Variants in ABCC1 observed in about 807,000 individuals in gnomAD.
ABCC1 encodes the protein multidrug resistance-associated protein 1.
A neutral mutation model predicts 172.9 loss-of-function variants in ABCC1; 83 were observed. That is an observed-to-expected ratio of 0.48 (90% CI 0.40 to 0.58). The LOEUF is 0.58. ABCC1 is among the 20% of genes least tolerant of loss of function. ABCC1 has a pLI of 0.00. For synonymous variants in ABCC1, 937 were observed against 825.2 expected, an observed-to-expected ratio of 1.14 and a Z score of -2.32; for missense variants, 1,817 against 2,002.7, an observed-to-expected ratio of 0.91 and a Z score of 1.77.
At chr16:16,006,842 C>CGTGGTGGTG (rs71388786) in intron 1 of ABCC1, among the ~76,000 whole-genome samples, 66 of 82,870 alleles carry the variant, frequency 8.0e-4, no homozygotes, top group African/African-American at 2.0e-3. Flanking sequence ...GGTTGTTATC[C>CGTGGTGGTG]GTGGTGGTGG....
At chr16:15,966,773 C>A (rs2046253086) in intron 1 of ABCC1, among the ~76,000 whole-genome samples, 1 of 151,436 alleles carries the variant, frequency 6.6e-6, no homozygotes, top group Admixed American at 6.6e-5. Flanking sequence ...GCCTTACCCT[C>A]CCGAGTGTCT....
At chr16:16,008,649 A>G (rs1597108924) in intron 2 of ABCC1, among the ~76,000 whole-genome samples, 1 of 151,948 alleles carries the variant, frequency 6.6e-6, no homozygotes, top group South Asian at 2.1e-4. Flanking sequence ...GTTTGAGACC[A>G]GCCTGACCAA....
chr16:16,106,835 T>C lies in ABCC1; in HGVS notation c.2833T>C (p.Trp945Arg), dbSNP rs766865175. 2.5e-6 allele frequency: 4 copies of C among 1,614,110 alleles called. No homozygotes were observed. Among genetic ancestry groups the C allele is most frequent in the Non-Finnish European group, 2.5e-6 (3 of 1,180,026 alleles). Reference sequence around the variant, plus strand: ...AGCTGAGGCCAAGAAGGAGGAGACCTGGAAGCTGATGGAGGCTGACAAGGC... The same window carrying C: ...AGCTGAGGCCAAGAAGGAGGAGACCCGGAAGCTGATGGAGGCTGACAAGGC... ...QKAEAKKEET[W>R]KLMEADKAQT... Residue 945 changes from tryptophan to arginine, a missense_variant, in exon 21 of 31, where the codon TGG (tryptophan) becomes CGG (arginine). By Grantham distance (101) the Trp-to-Arg change is moderately radical (BLOSUM62 -3). This residue lies in a region of ABCC1 where 1,412 missense variants were observed against 1,600.3 expected (regional missense o/e 0.88). Transcript: ENST00000399410.
chr16:16,087,706 G>A (rs906366142), intron 18 of ABCC1, among the ~76,000 whole-genome samples: 4 of 152,124 alleles, frequency 2.6e-5, no homozygotes, highest in Non-Finnish European at 5.9e-5. Context: ...TGATCTGCCC[G>A]CCTGGGTCTC....
chr16:16,115,941 C>T (rs1033682520), intron 23 of ABCC1, among the ~76,000 whole-genome samples: 26 of 151,426 alleles, frequency 1.7e-4, no homozygotes, highest in East Asian at 3.9e-4. Flanking sequence ...CTCGCTCTGT[C>T]GCCCAGGCTG....
intron 13 of ABCC1, among the ~76,000 whole-genome samples, chr16:16,070,949 T>C (rs2050322944): frequency 6.6e-6 from 1 of 152,214 alleles, no homozygotes; most frequent in Non-Finnish European, 1.5e-5. Flanking sequence ...ACTCAGCCCA[T>C]ATCCAAGTTT....
At chr16:16,133,206 C>A (rs2045771551) in intron 27 of ABCC1, among the ~76,000 whole-genome samples, 1 of 152,130 alleles carries the variant, frequency 6.6e-6, no homozygotes, top group Admixed American at 6.5e-5. Flanking sequence ...GTCTGACAGT[C>A]TTCCTGGCCA....
rs371674947 is a variant in ABCC1, at chr16:16,134,305, C to T, written c.3967-45C>T. 3.7e-5 allele frequency: 59 copies of T among 1,609,348 alleles called. 3 individuals carry two copies. Among genetic ancestry groups the T allele is most frequent in the Admixed American group, 1.2e-4 (7 of 59,942 alleles). Reference sequence around the variant, plus strand: ...GGGCACTTTGGGGCAGGGACAAGTCCGGATGCCAGCATTCCCACCACACCT... The same window carrying T: ...GGGCACTTTGGGGCAGGGACAAGTCTGGATGCCAGCATTCCCACCACACCT... On this transcript the variant is annotated intron_variant, in intron 27 of 30. Transcript: ENST00000399410.
intron 19 of ABCC1, among the ~76,000 whole-genome samples, chr16:16,102,213 T>TC (rs1267146131): frequency 8.3e-6 from 1 of 120,710 alleles, no homozygotes; most frequent in East Asian, 3.2e-4. Context: ...GAATATCACT[T>TC]CTTCTTTCAA....
intron 1 of ABCC1, among the ~76,000 whole-genome samples, chr16:15,993,987 C>G (rs1208349700): frequency 1.3e-5 from 2 of 152,116 alleles, no homozygotes; most frequent in South Asian, 4.1e-4. Flanking sequence ...TCCCGGCACT[C>G]TGGGAGGCCG....
In ABCC1 at chr16:16,052,810, G is replaced by A. The variant is rs566325824; in HGVS notation, c.1467G>A (p.Thr489=). Residue 489 remains threonine (T), a synonymous_variant, in exon 11 of 31, where the codon ACG becomes ACA. Coordinates refer to ENST00000399410, the MANE Select transcript of ABCC1 (RefSeq NM_004996.4). ...VNAVMAMKTK[T]YQVAHMKSKD... ...CTGTGATGGCGATGAAGACCAAGACGTATCAGGTAAGGCATGTGTCTCTGC... is the reference window on the plus strand; with the variant it reads ...CTGTGATGGCGATGAAGACCAAGACATATCAGGTAAGGCATGTGTCTCTGC... 79 of 1,614,092 alleles carry A rather than the reference G, an allele frequency of 4.9e-5. No homozygotes were observed. The South Asian group carries it at 7.4e-4, about 15-fold the overall frequency.
chr16:16,029,172 G>A (rs936688563), intron 5 of ABCC1, among the ~76,000 whole-genome samples: 1 of 152,134 alleles, frequency 6.6e-6, no homozygotes, highest in South Asian at 2.1e-4. Context: ...TTTTATGATG[G>A]AAACATAAAG....
rs888998495 is a variant in ABCC1 at position 16,126,365 on chromosome 16, C to A, written c.3819+454C>A. Among the ~76,000 whole-genome samples the A allele has an allele frequency of 3.3e-5, 5 of 152,136 alleles. No homozygotes were observed. The East Asian group carries it at 9.6e-4, about 29-fold the overall frequency. ...GACGGATTCTGTCTATCAGAAATAA[C>A]CTTCTGTTATTTGTTATGAATTTGG... is the stretch of plus-strand genomic sequence containing the variant. On this transcript the variant is annotated intron_variant, in intron 26 of 30. Transcript: ENST00000399410.
At chr16:16,009,711 C>A in intron 2 of ABCC1, 65 bp from the exon 3 acceptor site, 1 of 1,478,360 alleles carries the variant, frequency 6.8e-7, no homozygotes, top group South Asian at 1.4e-5. Context: ...CTGAGCTGTT[C>A]GTGCAGGCCC....
At chr16:16,122,722 A>T (rs916215639) in intron 24 of ABCC1, among the ~76,000 whole-genome samples, 2 of 151,294 alleles carry the variant, frequency 1.3e-5, no homozygotes, top group Non-Finnish European at 2.9e-5. Context: ...AAAAAAAAAA[A>T]AAAAAAAAAA....
rs151060121 is a variant in ABCC1 at position 16,067,928 on chromosome 16, C to T, written c.1678-228C>T. On this transcript the variant is annotated intron_variant, in intron 12 of 30. Transcript: ENST00000399410. ...CTCTGAGAAAGTTGATGGGAGAGGC[C>T]GGCTCTTTGGGCTCCCGGTCGTTGA... Among the ~76,000 whole-genome samples, 160 of 152,260 alleles carry T rather than the reference C, an allele frequency of 1.1e-3. 1 individual carries two copies. The highest frequency in any genetic ancestry group is 3.2e-3 in the African/African-American group (133 of 41,552).
Position 16,039,699 on chromosome 16 carries a change from T to C in ABCC1, c.809+3096T>C, listed in dbSNP as rs561993432. Among the ~76,000 whole-genome samples, 13 of 152,276 alleles carry C rather than the reference T, an allele frequency of 8.5e-5. No homozygotes were observed. The South Asian group carries it at 2.5e-3, about 29-fold the overall frequency. On this transcript the variant is annotated intron_variant, in intron 7 of 30. Coordinates refer to ENST00000399410, the MANE Select transcript of ABCC1 (RefSeq NM_004996.4). The stretch of plus-strand genomic sequence containing the variant: ...GAGCCTCTGGCATCCTGAGTGTTAC[T>C]GCTTTTTGAAGTGTTTTTGTTCAAC...
chr16:16,056,410 TA>T, intron 12 of ABCC1, 115 bp downstream of exon 12: 1 of 1,221,434 alleles, frequency 8.2e-7, no homozygotes, highest in South Asian at 1.4e-5. Context: ...TCATGCTTGG[TA>T]ATCCCAGCAC....
chr16:16,125,088 G>A (rs2045371955), intron 25 of ABCC1, among the ~76,000 whole-genome samples, 173 bp downstream of exon 25: 1 of 152,140 alleles, frequency 6.6e-6, no homozygotes, highest in Non-Finnish European at 1.5e-5. Flanking sequence ...AGCAGGAGAC[G>A]GATTTGACAT....
Sources: gnomAD v4.1 joint callset for allele counts (sites outside exome capture counted in the v4.1 genomes callset) on GRCh38, gnomAD v4.1.1 for gene constraint, gnomAD v4.1.1 regional missense constraint, MANE v1.5 for transcripts, NCBI Gene and HGNC (gene_info 2026-07-23, HGNC 2026-07-21) for gene names.